Variants in DSCAM observed in about 807,000 individuals in gnomAD.
DSCAM encodes the protein DS cell adhesion molecule.
In DSCAM, 47 loss-of-function variants were observed where a neutral mutation model predicts 217.7. That is an observed-to-expected ratio of 0.22 (90% CI 0.17 to 0.28). The LOEUF is 0.28. Ranked by LOEUF, DSCAM falls within the 10% of genes least tolerant of loss-of-function variation. DSCAM has a pLI of 1.00. For missense variants in DSCAM, 2,080 were observed against 2,618.3 expected (o/e 0.79, Z 4.49); for synonymous variants, 1,056 against 1,015.3 (o/e 1.04, Z -0.76).
Position 40,386,690 on chromosome 21 carries a change from A to C in DSCAM, c.509-17445T>G, listed in dbSNP as rs1023388933. 4.0e-4 allele frequency among the ~76,000 whole-genome samples: 61 copies of C among 152,232 alleles called. 3 individuals are homozygous for C. The highest frequency in any genetic ancestry group is 7.3e-5 in the Non-Finnish European group (5 of 68,038). ...ACCTATAAGCACTTCCTATGTTTACACTTCTTGGGTTTTGATAGAAACTCG... is the reference window on the plus strand; with the variant it reads ...ACCTATAAGCACTTCCTATGTTTACCCTTCTTGGGTTTTGATAGAAACTCG... On this transcript the variant is annotated intron_variant, in intron 3 of 32. Transcript: ENST00000400454.
At chr21:40,076,538 T>C (rs947283120) in intron 26 of DSCAM, among the ~76,000 whole-genome samples, 2 of 152,224 alleles carry the variant, frequency 1.3e-5, no homozygotes, top group Admixed American at 6.5e-5. Context: ...TATGCAGCCA[T>C]ATTTCTTAGT....
At chr21:40,319,845 T>C (rs944893133) in intron 8 of DSCAM, among the ~76,000 whole-genome samples, 2 of 152,096 alleles carry the variant, frequency 1.3e-5, no homozygotes, top group Non-Finnish European at 2.9e-5. Flanking sequence ...GTGGTAAAAA[T>C]ACCCCATGGA....
At chr21:40,570,650 G>A (rs1189660424) in intron 3 of DSCAM, among the ~76,000 whole-genome samples, 1 of 152,202 alleles carries the variant, frequency 6.6e-6, no homozygotes, top group Non-Finnish European at 1.5e-5. Context: ...ACTGACACGT[G>A]TGAACAGGTG....
chr21:40,565,453 T>C (rs573196618), intron 3 of DSCAM, among the ~76,000 whole-genome samples: 1 of 152,210 alleles, frequency 6.6e-6, no homozygotes, highest in Admixed American at 6.5e-5. Context: ...GATATTAATA[T>C]GTTCACAGAG....
intron 3 of DSCAM, among the ~76,000 whole-genome samples, chr21:40,594,714 T>C (rs2077008459): frequency 6.8e-6 from 1 of 146,598 alleles, no homozygotes; most frequent in Non-Finnish European, 1.5e-5. Flanking sequence ...CAATAACTTG[T>C]ATGTAGATAA....
chr21:40,369,773 C>T (rs950550838), intron 3 of DSCAM, among the ~76,000 whole-genome samples: 2 of 152,064 alleles, frequency 1.3e-5, no homozygotes, highest in African/African-American at 4.8e-5. Context: ...ACAAACTTCC[C>T]CTAAAAAGGC....
Position 40,142,560 on chromosome 21 carries a change from C to T in DSCAM, c.3404G>A (p.Gly1135Glu), listed in dbSNP as rs755182429. ...AAGTCCTAGTTTAGTCCTCTTACCT[C>T]CGTCCATGAGGTTGGCCCAGTAAAT... is the stretch of plus-strand genomic sequence containing the variant. ...RVIYWANLMD[G>E]ELGEIKNITT... Residue 1135 changes from glycine (G) to glutamate (E), a missense_variant and splice_region_variant, in exon 18 of 33, where the codon GGA becomes GAA. Physicochemically the swap from Gly to Glu is moderately conservative, Grantham distance 98. Around this residue, in one of 5 missense-constraint regions of DSCAM, gnomAD observed 1,144 missense variants for 1,421.1 expected, o/e 0.81. Transcript: ENST00000400454. 15 of 1,614,000 alleles carry T rather than the reference C, an allele frequency of 9.3e-6. No homozygotes were observed. The South Asian group carries it at 1.2e-4, about 13-fold the overall frequency.
intron 1 of DSCAM, among the ~76,000 whole-genome samples, chr21:40,779,404 T>C (rs1372424757): frequency 6.6e-6 from 1 of 152,242 alleles, no homozygotes; most frequent in African/African-American, 2.4e-5. Flanking sequence ...TTTTAATATG[T>C]ATTGCCAAAT....
intron 3 of DSCAM, among the ~76,000 whole-genome samples, chr21:40,608,121 C>G (rs1286964172): frequency 6.6e-6 from 1 of 152,128 alleles, no homozygotes. Flanking sequence ...TAGGAGGAGA[C>G]TGATTATAAA....
At chr21:40,466,617 C>T (rs1022075116) in intron 3 of DSCAM, among the ~76,000 whole-genome samples, 2 of 152,104 alleles carry the variant, frequency 1.3e-5, no homozygotes, top group South Asian at 4.1e-4. Context: ...TTTCAGCTTC[C>T]GTTTCTCCCT....
At chr21:40,266,632 G>GTT (rs1271673729) in intron 11 of DSCAM, among the ~76,000 whole-genome samples, 269 of 25,916 alleles carry the variant, frequency 0.01, no homozygotes, top group Middle Eastern at 0.025. Context: ...GGACAAAGAT[G>GTT]TTTTATATAT....
chr21:40,448,829 A>C (rs1395719490), intron 3 of DSCAM, among the ~76,000 whole-genome samples: 3 of 152,110 alleles, frequency 2.0e-5, no homozygotes, highest in African/African-American at 7.2e-5. Context: ...TCTTGTTCAT[A>C]TTTATTTTGT....
At chr21:40,046,012 C>T (rs905889895) in intron 30 of DSCAM, among the ~76,000 whole-genome samples, 3 of 152,118 alleles carry the variant, frequency 2.0e-5, no homozygotes, top group East Asian at 1.9e-4. Flanking sequence ...ATAGCTGTTA[C>T]GTGATAAAAC....
chr21:40,476,694 GT>G (rs200052887), intron 3 of DSCAM, among the ~76,000 whole-genome samples: 2,058 of 152,248 alleles, frequency 0.014, 63 homozygotes, highest in African/African-American at 0.046. Flanking sequence ...CTAACCATTG[GT>G]TAGGTGGTGG....
At chr21:40,682,648 G>A (rs1432375847) in intron 3 of DSCAM, among the ~76,000 whole-genome samples, 917 of 51,068 alleles carry the variant, frequency 0.018, 323 homozygotes, top group East Asian at 0.04. Context: ...AAAGAGGAAG[G>A]GAAGGGAAGG....
At chr21:40,306,840 T>C (rs1375208163) in intron 9 of DSCAM, among the ~76,000 whole-genome samples, 2 of 151,908 alleles carry the variant, frequency 1.3e-5, no homozygotes, top group African/African-American at 4.8e-5. Context: ...TGGATTCGGT[T>C]TGCCAGTATT....
intron 3 of DSCAM, among the ~76,000 whole-genome samples, chr21:40,580,982 G>A (rs1244702340): frequency 6.6e-6 from 1 of 152,144 alleles, no homozygotes; most frequent in African/African-American, 2.4e-5. Context: ...AAAGGACTTC[G>A]AAGAAAGATG....
intron 16 of DSCAM, among the ~76,000 whole-genome samples, chr21:40,148,164 G>A (rs1043946654): frequency 1.3e-5 from 2 of 152,076 alleles, no homozygotes; most frequent in South Asian, 4.1e-4. Flanking sequence ...AGAGTTATGC[G>A]TTATTTGATG....
At chr21:40,822,967 T>C (rs186858203) in intron 1 of DSCAM, among the ~76,000 whole-genome samples, 2 of 152,142 alleles carry the variant, frequency 1.3e-5, no homozygotes, top group Admixed American at 6.5e-5. Flanking sequence ...TTGACCCACA[T>C]GGCGAAACCC....
Sources: allele counts gnomAD v4.1 joint callset (sites outside exome capture counted in the v4.1 genomes callset), GRCh38; gene constraint gnomAD v4.1.1; regional missense constraint gnomAD v4.1.1; transcripts MANE v1.5; gene names NCBI Gene and HGNC (gene_info 2026-07-23, HGNC 2026-07-21).